MAD1L1: variants seen among roughly 807,000 people sequenced by gnomAD.
MAD1L1 encodes the protein mitotic arrest deficient 1 like 1.
A neutral mutation model predicts 96.9 loss-of-function variants in MAD1L1; 95 were observed. The ratio of observed to expected loss-of-function variants is 0.98; its 90% CI spans 0.83 to 1.16. The LOEUF is 1.16. Among genes scored for constraint, MAD1L1 ranks in the 50% most tolerant of loss-of-function variants. The pLI is 0.00. For synonymous variants in MAD1L1, 473 were observed against 396.6 expected, an observed-to-expected ratio of 1.19 and a Z score of -2.29; for missense variants, 1,007 against 954.4, an observed-to-expected ratio of 1.06 and a Z score of -0.73.
At chr7:1,936,589 T>C (rs1778616434) in intron 17 of MAD1L1, 98 bp downstream of exon 17, 1 of 1,259,010 alleles carries the variant, frequency 7.9e-7, no homozygotes, top group Non-Finnish European at 1.1e-6. Flanking sequence ...CCTCTGGGGA[T>C]GACAGGCAGG....
intron 18 of MAD1L1, chr7:1,874,557 A>G: frequency 2.2e-6 from 1 of 454,824 alleles, no homozygotes; most frequent in South Asian, 1.6e-5. Flanking sequence ...TAAAAAAAAA[A>G]ATAAAAGCGC....
chr7:2,206,179 A>AT (rs1792587928), intron 10 of MAD1L1, among the ~76,000 whole-genome samples: 1 of 152,200 alleles, frequency 6.6e-6, no homozygotes, highest in African/African-American at 2.4e-5. Context: ...TCTTTTGACC[A>AT]TTTTTTAAAC....
At chr7:2,135,649 G>GC (rs1788712459) in intron 11 of MAD1L1, among the ~76,000 whole-genome samples, 2 of 152,198 alleles carry the variant, frequency 1.3e-5, no homozygotes, top group African/African-American at 4.8e-5. Flanking sequence ...CAATGTCCGG[G>GC]CCTCCTGCCC....
chr7:2,166,598 T>C lies in MAD1L1; in HGVS notation c.987-17360A>G, dbSNP rs148325858. On this transcript the variant is annotated intron_variant, in intron 10 of 18. Transcript: ENST00000265854. Reference sequence around the variant, plus strand: ...AACGTTCAAAAAGAAAGCTAGATAATGGCCCCAAACACAACTTCGGCAAGA... The same window carrying C: ...AACGTTCAAAAAGAAAGCTAGATAACGGCCCCAAACACAACTTCGGCAAGA... Among the ~76,000 whole-genome samples, 404 of 151,472 alleles carry C rather than the reference T, an allele frequency of 2.7e-3. 7 individuals are homozygous for C. Among genetic ancestry groups the C allele is most frequent in the Non-Finnish European group, 8.7e-4 (59 of 67,618 alleles).
At chr7:2,081,569 C>A (rs1174796946) in intron 11 of MAD1L1, among the ~76,000 whole-genome samples, 1 of 152,190 alleles carries the variant, frequency 6.6e-6, no homozygotes, top group Admixed American at 6.5e-5. Flanking sequence ...GCGCTCCCTG[C>A]ATCACTGCAG....
intron 18 of MAD1L1, among the ~76,000 whole-genome samples, chr7:1,894,556 A>G (rs1786747803): frequency 6.6e-6 from 1 of 152,194 alleles, no homozygotes. Flanking sequence ...TCTACTCCAC[A>G]GGTGAGGAGA....
intron 16 of MAD1L1, among the ~76,000 whole-genome samples, chr7:1,937,225 C>T (rs1256873352): frequency 6.6e-6 from 1 of 152,198 alleles, no homozygotes; most frequent in African/African-American, 2.4e-5. Flanking sequence ...CACTCAGTGC[C>T]CGGGAGGGAG....
At chr7:2,160,816 G>A (rs1344995210) in intron 10 of MAD1L1, among the ~76,000 whole-genome samples, 1 of 152,046 alleles carries the variant, frequency 6.6e-6, no homozygotes, top group Non-Finnish European at 1.5e-5. Context: ...TCAATATTCT[G>A]TACCAAGAAA....
intron 18 of MAD1L1, among the ~76,000 whole-genome samples, chr7:1,895,884 G>C (rs1254531064): frequency 6.6e-6 from 1 of 152,268 alleles, no homozygotes; most frequent in African/African-American, 2.4e-5. Context: ...CCACTGGAAA[G>C]AAGGGACAGC....
chr7:2,128,317 G>A (rs1386415342), intron 11 of MAD1L1, among the ~76,000 whole-genome samples: 1 of 152,138 alleles, frequency 6.6e-6, no homozygotes, highest in African/African-American at 2.4e-5. Flanking sequence ...ACCTGGCAGG[G>A]CCATCCATGC....
rs1158949057 is a variant in MAD1L1, at chr7:1,957,764, T to C, written c.1506-45A>G. On this transcript the variant is annotated intron_variant, in intron 15 of 18. Transcript: ENST00000265854. Reference sequence around the variant, plus strand: ...GTGACCAGGTGTCCGAGGCCAGCCATGCTGGGGAAGTCCCACCCTCTGGGT... The same window carrying C: ...GTGACCAGGTGTCCGAGGCCAGCCACGCTGGGGAAGTCCCACCCTCTGGGT... 4.4e-6 allele frequency: 7 copies of C among 1,589,996 alleles called. No homozygotes were observed. The East Asian group carries it at 1.6e-4, about 36-fold the overall frequency.
At chr7:1,884,559 C>T (rs1006885327) in intron 18 of MAD1L1, among the ~76,000 whole-genome samples, 5 of 152,246 alleles carry the variant, frequency 3.3e-5, no homozygotes, top group Non-Finnish European at 5.9e-5. Flanking sequence ...CATCTTCCTG[C>T]CTCTCAGCCC....
intron 13 of MAD1L1, among the ~76,000 whole-genome samples, chr7:2,011,805 G>A (rs946808084): frequency 4.0e-5 from 6 of 151,758 alleles, no homozygotes; most frequent in African/African-American, 7.3e-5. Context: ...AGCCGATACC[G>A]TGGCTGTCTC....
At chr7:1,927,880 C>T (rs909312858) in intron 17 of MAD1L1, among the ~76,000 whole-genome samples, 7 of 152,108 alleles carry the variant, frequency 4.6e-5, no homozygotes, top group Non-Finnish European at 7.3e-5. Context: ...TGAAGAGGCT[C>T]GTCACGGGCT....
At chr7:1,904,000 G>A (rs1364440411) in intron 17 of MAD1L1, among the ~76,000 whole-genome samples, 9 of 118,934 alleles carry the variant, frequency 7.6e-5, no homozygotes, top group Admixed American at 1.8e-4. Flanking sequence ...TCCAGGCAGC[G>A]AGGACGCAGT....
chr7:1,898,913 G>A (rs1787067514), intron 17 of MAD1L1, among the ~76,000 whole-genome samples: 1 of 152,192 alleles, frequency 6.6e-6, no homozygotes, highest in South Asian at 2.1e-4. Context: ...TTCCCAGGTT[G>A]CCGCCTGGGT....
intron 17 of MAD1L1, among the ~76,000 whole-genome samples, chr7:1,936,255 G>A (rs1778594902): frequency 6.6e-6 from 1 of 152,244 alleles, no homozygotes; most frequent in South Asian, 2.1e-4. Context: ...GGCCCTCATG[G>A]AGGCCTCATT....
intron 12 of MAD1L1, among the ~76,000 whole-genome samples, chr7:2,042,148 C>T (rs755048165): frequency 4.0e-5 from 6 of 150,048 alleles, no homozygotes; most frequent in Admixed American, 1.3e-4. Context: ...GACATGCAGA[C>T]ATGCACACAC....
chr7:1,901,185 C>T (rs955193092), intron 17 of MAD1L1, among the ~76,000 whole-genome samples: 1 of 152,222 alleles, frequency 6.6e-6, no homozygotes, highest in African/African-American at 2.4e-5. Context: ...ATCAAGCCAG[C>T]GTTCTGACCC....
Sources: gnomAD v4.1 joint callset for allele counts (sites outside exome capture counted in the v4.1 genomes callset) on GRCh38, gnomAD v4.1.1 for gene constraint, MANE v1.5 for transcripts, NCBI Gene and HGNC (gene_info 2026-07-23, HGNC 2026-07-21) for gene names.